Variants in SNX29 observed in about 807,000 individuals in gnomAD.
SNX29 encodes sorting nexin-29.
A neutral mutation model predicts 102.1 loss-of-function variants in SNX29; 78 were observed. The ratio of observed to expected loss-of-function variants is 0.76; its 90% CI spans 0.64 to 0.92. The LOEUF (loss-of-function observed/expected upper bound fraction) is 0.92. Among genes scored for constraint, SNX29 ranks in the 40% least tolerant of loss-of-function variants. The pLI, the probability that SNX29 is intolerant of heterozygous loss-of-function variation, is 0.00. For missense variants in SNX29, 1,280 were observed against 1,061.7 expected, an observed-to-expected ratio of 1.21 and a Z score of -2.86; for synonymous variants, 580 against 414.5, an observed-to-expected ratio of 1.40 and a Z score of -4.85.
chr16:12,177,532 C>G (rs2076288241), intron 13 of SNX29, among the ~76,000 whole-genome samples: 1 of 152,184 alleles, frequency 6.6e-6, no homozygotes, highest in Non-Finnish European at 1.5e-5. Context: ...TCTTCACAAG[C>G]AGACTGTCAT....
chr16:12,437,677 C>T (rs1162354550), intron 18 of SNX29, among the ~76,000 whole-genome samples: 1 of 152,178 alleles, frequency 6.6e-6, no homozygotes, highest in African/African-American at 2.4e-5. Flanking sequence ...CCCCAGGACC[C>T]AGAGTCCCTG....
chr16:12,167,699 G>C (rs145122485), intron 13 of SNX29, among the ~76,000 whole-genome samples: 1 of 152,282 alleles, frequency 6.6e-6, no homozygotes, highest in African/African-American at 2.4e-5. Context: ...TAGAGATGTG[G>C]GACCAAGGCA....
At chr16:12,151,989 C>A (rs2055322122) in intron 13 of SNX29, among the ~76,000 whole-genome samples, 1 of 152,128 alleles carries the variant, frequency 6.6e-6, no homozygotes, top group African/African-American at 2.4e-5. Context: ...GAGGCCGAGG[C>A]AGGCAGATTG....
intron 8 of SNX29, chr16:12,053,385 A>G (rs938601860): frequency 2.0e-5 from 3 of 151,812 alleles, no homozygotes; most frequent in African/African-American, 7.3e-5. Flanking sequence ...GACTACTGCA[A>G]AATCCAGTCC....
In SNX29 at chr16:12,448,269, G is replaced by C. The variant is rs895827936; in HGVS notation, c.2038-29450G>C. Among the ~76,000 whole-genome samples, 3 of 152,126 alleles carry C rather than the reference G, an allele frequency of 2.0e-5. No homozygotes were observed. In the East Asian group the frequency reaches 5.8e-4, roughly 29 times the overall value. On this transcript the variant is annotated intron_variant, in intron 18 of 20. Coordinates refer to ENST00000566228, the MANE Select transcript of SNX29 (RefSeq NM_032167.5). ...CTGACCACCTTTCCATGTCCTCCTT[G>C]CAACCCCAGTGAACTTCCCTGAATC...
chr16:12,213,779 C>G (rs929917198), intron 14 of SNX29, among the ~76,000 whole-genome samples: 1 of 151,232 alleles, frequency 6.6e-6, no homozygotes, highest in African/African-American at 2.5e-5. Flanking sequence ...TTAAGTAAAC[C>G]CTGAACAGGT....
intron 15 of SNX29, among the ~76,000 whole-genome samples, chr16:12,339,625 C>A (rs961040838): frequency 2.6e-5 from 4 of 152,176 alleles, no homozygotes; most frequent in Non-Finnish European, 5.9e-5. Context: ...TCTCTTCCTG[C>A]TGTTGCTCTC....
At chr16:12,361,976 C>T (rs62039991) in intron 16 of SNX29, among the ~76,000 whole-genome samples, 5,246 of 47,064 alleles carry the variant, frequency 0.11, 143 homozygotes, top group Non-Finnish European at 0.19. Context: ...ATAACGAGCA[C>T]ATGCCTATAC....
At chr16:12,512,654 TTC>T (rs2089683575) in intron 19 of SNX29, among the ~76,000 whole-genome samples, 1 of 151,764 alleles carries the variant, frequency 6.6e-6, no homozygotes, top group African/African-American at 2.4e-5. Flanking sequence ...GGTTGATGGA[TTC>T]TCTCTACCAT....
intron 8 of SNX29, among the ~76,000 whole-genome samples, chr16:12,059,938 T>C (rs1431623566): frequency 6.6e-6 from 1 of 152,214 alleles, no homozygotes; most frequent in African/African-American, 2.4e-5. Context: ...ACACACTTTT[T>C]CTTCTTTTGC....
intron 15 of SNX29, among the ~76,000 whole-genome samples, chr16:12,353,747 C>G (rs945880717): frequency 2.0e-5 from 3 of 152,150 alleles, no homozygotes; most frequent in Admixed American, 6.5e-5. Context: ...TAGTGAGACC[C>G]CAAGAGGGAG....
chr16:12,001,170 G>A (rs938679555), intron 2 of SNX29, among the ~76,000 whole-genome samples: 5 of 150,314 alleles, frequency 3.3e-5, no homozygotes, highest in Non-Finnish European at 2.9e-5. Context: ...GGAGTACAGT[G>A]GTGCAGTCTC....
At chr16:12,025,440 G>T (rs1487658939) in intron 3 of SNX29, among the ~76,000 whole-genome samples, 3 of 152,080 alleles carry the variant, frequency 2.0e-5, no homozygotes, top group Non-Finnish European at 2.9e-5. Flanking sequence ...CTGGTTCAAG[G>T]TTAATCATTG....
intron 16 of SNX29, among the ~76,000 whole-genome samples, chr16:12,393,203 T>C (rs1016766482): frequency 6.6e-6 from 1 of 152,198 alleles, no homozygotes; most frequent in African/African-American, 2.4e-5. Context: ...GTTGCTTTTC[T>C]TTGGAGCAGT....
chr16:12,163,245 C>T (rs2055867651), intron 13 of SNX29, among the ~76,000 whole-genome samples: 1 of 152,152 alleles, frequency 6.6e-6, no homozygotes, highest in Non-Finnish European at 1.5e-5. Flanking sequence ...AATTGGGTCA[C>T]CCTGCTGAGA....
At chr16:12,320,497 C>T (rs2080897836) in intron 15 of SNX29, among the ~76,000 whole-genome samples, 1 of 152,206 alleles carries the variant, frequency 6.6e-6, no homozygotes, top group Non-Finnish European at 1.5e-5. Context: ...AGGTCAGAGG[C>T]TGGGAACCGT....
intron 20 of SNX29, among the ~76,000 whole-genome samples, chr16:12,562,905 T>C (rs2078809461): frequency 6.6e-6 from 1 of 152,148 alleles, no homozygotes; most frequent in Admixed American, 6.5e-5. Flanking sequence ...GACGATGTGC[T>C]TGAGATTCGT....
At chr16:12,142,338 G>A (rs1032835546) in intron 13 of SNX29, among the ~76,000 whole-genome samples, 27 of 151,788 alleles carry the variant, frequency 1.8e-4, no homozygotes, top group Non-Finnish European at 2.9e-4. Context: ...TGTGCCCTTC[G>A]CCATTGTTAA....
At chr16:12,363,065 A>G (rs11640354) in intron 16 of SNX29, among the ~76,000 whole-genome samples, 137,821 of 152,246 alleles carry the variant, frequency 0.91, 62,663 homozygotes, top group African/African-American at 0.98. Flanking sequence ...GGCAGCTCTC[A>G]TCATCAGATC....
Sources: gnomAD v4.1 joint callset for allele counts (sites outside exome capture counted in the v4.1 genomes callset) on GRCh38, gnomAD v4.1.1 for gene constraint, MANE v1.5 for transcripts, NCBI Gene and HGNC (gene_info 2026-07-23, HGNC 2026-07-21) for gene names.